Variants in NLGN1 observed in about 807,000 individuals in gnomAD.
NLGN1 encodes neuroligin 1.
NLGN1 carries 12 observed loss-of-function variants against 65.5 expected under a neutral mutation model. That is an observed-to-expected ratio of 0.18 (90% CI 0.12 to 0.30). The LOEUF (loss-of-function observed/expected upper bound fraction) is 0.30, where lower values mean the gene tolerates loss of function less well. Ranked by LOEUF, NLGN1 falls within the 10% of genes least tolerant of loss-of-function variation. The pLI, the probability that NLGN1 is intolerant of heterozygous loss-of-function variation, is 1.00. For synonymous variants in NLGN1, 350 were observed against 359.5 expected, an observed-to-expected ratio of 0.97 and a Z score of 0.30; for missense variants, 750 against 1,007.1, an observed-to-expected ratio of 0.74 and a Z score of 3.46.
chr3:173,576,867 A>G (rs780205593), intron 2 of NLGN1, among the ~76,000 whole-genome samples: 2 of 152,122 alleles, frequency 1.3e-5, no homozygotes, highest in Non-Finnish European at 2.9e-5. Context: ...TTGATTTGTT[A>G]ATTTCAATTT....
At chr3:173,779,387 T>G (rs1780794243) in intron 3 of NLGN1, among the ~76,000 whole-genome samples, 1 of 152,062 alleles carries the variant, frequency 6.6e-6, no homozygotes, top group Admixed American at 6.6e-5. Context: ...TGTGAATATA[T>G]GAGTGGAAAA....
chr3:173,965,556 G>A (rs1714648879), intron 4 of NLGN1, among the ~76,000 whole-genome samples: 1 of 149,890 alleles, frequency 6.7e-6, no homozygotes, highest in Non-Finnish European at 1.5e-5. Flanking sequence ...TGACCTCCCT[G>A]ATCCACCCGC....
At position 174,078,731 on chromosome 3, in the gene NLGN1, G is replaced by A. The variant is rs538862729; in HGVS notation, c.647-196584G>A. On this transcript the variant is annotated intron_variant, in intron 4 of 6. Coordinates refer to ENST00000457714, the Ensembl canonical transcript of NLGN1. The stretch of plus-strand genomic sequence containing the variant: ...TTGGAAATTACTTTCTCTGTTTTAC[G>A]CCATAGTCTCTGAAAAAGAAAAGGA... Among the ~76,000 whole-genome samples the A allele has an allele frequency of 2.0e-5, 3 of 152,060 alleles. No homozygotes were observed. In the East Asian group the frequency reaches 5.8e-4, roughly 29 times the overall value.
chr3:173,684,379 G>C (rs1011048216), intron 3 of NLGN1, among the ~76,000 whole-genome samples: 4 of 152,084 alleles, frequency 2.6e-5, no homozygotes, highest in African/African-American at 9.7e-5. Flanking sequence ...AAACACATTT[G>C]TCAAGGATAA....
At chr3:173,890,469 G>T (rs1215277469) in intron 4 of NLGN1, among the ~76,000 whole-genome samples, 1 of 152,072 alleles carries the variant, frequency 6.6e-6, no homozygotes, top group Non-Finnish European at 1.5e-5. Context: ...TTAGCATCGA[G>T]CACAAAATGT....
chr3:174,219,809 G>A (rs1738300285), intron 4 of NLGN1, among the ~76,000 whole-genome samples: 1 of 152,224 alleles, frequency 6.6e-6, no homozygotes, highest in South Asian at 2.1e-4. Context: ...GACCAAAATG[G>A]TCAGGGAATG....
rs563178505 is a variant in NLGN1, at chr3:173,585,277, G to C, written c.-320-19002G>C. 5.9e-5 allele frequency among the ~76,000 whole-genome samples: 9 copies of C among 152,250 alleles called. No individual in the cohort carries two copies. In the South Asian group the frequency reaches 1.9e-3, roughly 32 times the overall value. On this transcript the variant is annotated intron_variant, in intron 2 of 6. Coordinates refer to ENST00000457714, the Ensembl canonical transcript of NLGN1. ...TCAACTTTGCATTGAAAATCTCTCAGTTGGGAGACGCTTCCCAGATCCAGT... is the reference window on the plus strand; with the variant it reads ...TCAACTTTGCATTGAAAATCTCTCACTTGGGAGACGCTTCCCAGATCCAGT...
chr3:174,041,665 G>C (rs994706364), intron 4 of NLGN1, among the ~76,000 whole-genome samples: 2 of 152,094 alleles, frequency 1.3e-5, no homozygotes, highest in African/African-American at 4.8e-5. Flanking sequence ...GTATCTCATT[G>C]TGGTTTTACT....
At chr3:174,097,751 T>C (rs1262524454) in intron 4 of NLGN1, among the ~76,000 whole-genome samples, 1 of 152,172 alleles carries the variant, frequency 6.6e-6, no homozygotes, top group Non-Finnish European at 1.5e-5. Context: ...CTGAAATAGC[T>C]CCTGGAGTTT....
At chr3:173,637,644 A>C (rs893176382) in intron 3 of NLGN1, among the ~76,000 whole-genome samples, 6 of 152,124 alleles carry the variant, frequency 3.9e-5, no homozygotes, top group African/African-American at 1.4e-4. Context: ...CTATGATGTT[A>C]TGAGGCATGT....
intron 2 of NLGN1, among the ~76,000 whole-genome samples, chr3:173,534,725 C>T (rs1427404706): frequency 6.6e-6 from 1 of 152,114 alleles, no homozygotes; most frequent in Non-Finnish European, 1.5e-5. Context: ...AGTAATTACC[C>T]AAGGCCACAC....
intron 4 of NLGN1, among the ~76,000 whole-genome samples, chr3:174,254,429 T>G (rs1163411704): frequency 6.6e-6 from 1 of 151,880 alleles, no homozygotes; most frequent in African/African-American, 2.4e-5. Flanking sequence ...TTTTCTTTCT[T>G]CTATAGCTTT....
At chr3:173,556,931 A>T (rs1340415095) in intron 2 of NLGN1, among the ~76,000 whole-genome samples, 1 of 152,220 alleles carries the variant, frequency 6.6e-6, no homozygotes, top group African/African-American at 2.4e-5. Flanking sequence ...ATATCTTGAT[A>T]AATGTTCCAT....
intron 3 of NLGN1, among the ~76,000 whole-genome samples, chr3:173,725,033 G>C (rs1185056919): frequency 2.0e-5 from 3 of 152,006 alleles, no homozygotes; most frequent in Non-Finnish European, 4.4e-5. Flanking sequence ...GGCCTATTGT[G>C]GGGTGGGGGA....
Position 173,767,644 on chromosome 3 carries a change from T to A in NLGN1, c.494-40036T>A, listed in dbSNP as rs1778975529. 2.0e-5 allele frequency among the ~76,000 whole-genome samples: 3 copies of A among 152,102 alleles called. No homozygotes were observed. In the South Asian group the frequency reaches 6.2e-4, roughly 31 times the overall value. ...CAGCCAATTCATTGAATAGTGCAAT[T>A]TGTTTAATAAATATGTTCATTGTTT... On this transcript the variant is annotated intron_variant, in intron 3 of 6. Transcript: ENST00000457714.
At chr3:173,911,129 C>T (rs1489461451) in intron 4 of NLGN1, among the ~76,000 whole-genome samples, 2 of 152,048 alleles carry the variant, frequency 1.3e-5, no homozygotes, top group Admixed American at 1.3e-4. Context: ...TTATAATATC[C>T]AAAGAGAATT....
chr3:173,418,087 A>C (rs1577356889), intron 1 of NLGN1, among the ~76,000 whole-genome samples: 1 of 151,086 alleles, frequency 6.6e-6, no homozygotes, highest in South Asian at 2.1e-4. Flanking sequence ...TATATACATA[A>C]ATAAAATATA....
chr3:173,854,132 C>T (rs1287897518), intron 4 of NLGN1, among the ~76,000 whole-genome samples: 1 of 151,886 alleles, frequency 6.6e-6, no homozygotes, highest in Non-Finnish European at 1.5e-5. Context: ...TTTTTTTAAG[C>T]AAGATACACT....
chr3:173,517,883 A>G (rs923109473), intron 2 of NLGN1, among the ~76,000 whole-genome samples: 6 of 151,840 alleles, frequency 4.0e-5, no homozygotes, highest in Non-Finnish European at 7.4e-5. Flanking sequence ...CAATATATAG[A>G]TGTGTTATAT....
Sources: allele counts gnomAD v4.1 joint callset (sites outside exome capture counted in the v4.1 genomes callset), GRCh38; gene constraint gnomAD v4.1.1; transcripts MANE v1.5; gene names NCBI Gene and HGNC (gene_info 2026-07-23, HGNC 2026-07-21).